The following LRP2 variants were observed in gnomAD, a reference collection of about 807,000 sequenced individuals.
LRP2 encodes low-density lipoprotein receptor-related protein 2.
Under a neutral mutation model 531.0 loss-of-function variants are expected in LRP2, and 172 were observed. The observed-to-expected ratio is 0.32, with a 90% CI of 0.29 to 0.37. The LOEUF is 0.37. LRP2 is among the 10% of genes least tolerant of loss of function. The pLI is 1.00. For missense variants in LRP2, 5,167 were observed against 5,868.3 expected (o/e 0.88, Z 3.90); for synonymous variants, 1,992 against 2,027.6 (o/e 0.98, Z 0.47).
intron 1 of LRP2, among the ~76,000 whole-genome samples, chr2:169,327,383 C>G (rs1186090270): frequency 4.7e-5 from 6 of 129,000 alleles, no homozygotes; most frequent in Admixed American, 7.3e-5. Context: ...GCCGCCCCTA[C>G]TGGGAAGTGA....
Position 169,137,616 on chromosome 2 carries a change from T to C in LRP2, c.13519-123A>G, listed in dbSNP as rs545632175. 1.7e-4 allele frequency: 109 copies of C among 631,258 alleles called. 1 individual carries two copies. The East Asian group carries it at 3.0e-3, about 17-fold the overall frequency. The allele number at this position is 631,258 out of a possible 1,614,324, so 39.1% of individuals were successfully genotyped here. ...TCCTCACACCTGGAGGTACGCTAGG[T>C]GCTACGTCATAAGTTACCCAAAAGA... On this transcript the variant is annotated intron_variant, in intron 75 of 78. Transcript: ENST00000649046.
rs1310051265 is a variant in LRP2, at chr2:169,213,846, T to C, written c.5851A>G (p.Thr1951Ala). 6.2e-7 allele frequency: 1 copy of C among 1,613,520 alleles called. No individual in the cohort carries two copies. The highest frequency in any genetic ancestry group is 8.5e-7 in the Non-Finnish European group (1 of 1,179,542). ...GVIERGNVDG[T>A]DRMILVHQLS... ...TGGTGTACCAGGATCATTCGATCTG[T>C]TCCATCCACGTTTCCTCTTTCAATC... Residue 1951 changes from threonine to alanine, a missense_variant, in exon 36 of 79, where the codon ACA becomes GCA. Thr to Ala is a moderately conservative substitution (Grantham distance 58, BLOSUM62 0). Around this residue, in one of 6 missense-constraint regions of LRP2, gnomAD observed 2,811 missense variants for 3,058.0 expected, o/e 0.92. Coordinates refer to ENST00000649046, the MANE Select transcript of LRP2 (RefSeq NM_004525.3).
chr2:169,233,435 C>A lies in LRP2; in HGVS notation c.5074G>T (p.Val1692Phe). The A allele has an allele frequency of 6.2e-7, 1 of 1,614,192 alleles. No individual in the cohort carries two copies. Among genetic ancestry groups the A allele is most frequent in the Non-Finnish European group, 8.5e-7 (1 of 1,180,038 alleles). Reference protein sequence around the residue: ...NIQWPLGIVAVHPSKQPNSVN... With the variant: ...NIQWPLGIVAFHPSKQPNSVN... ...CAATTTGGTTGTTTCGAAGGATGAA[C>A]CGCAACAATCCCAAGGGGCCATTGA... The change falls in exon 30 of 79, where the codon GTT becomes TTT. Residue 1692 changes from valine (V) to phenylalanine (F), a missense_variant. Transcript: ENST00000649046.
In LRP2 at chr2:169,162,439, T is replaced by G. The variant is rs371633356; in HGVS notation, c.11887+33A>C. On this transcript the variant is annotated intron_variant, in intron 63 of 78. Transcript: ENST00000649046. The stretch of plus-strand genomic sequence containing the variant: ...TTTTAATTAGGTAAACCTGAGTTAC[T>G]ACAATGAACTATAAAAACAAGTGTT... The G allele has an allele frequency of 1.3e-4, 202 of 1,612,960 alleles. No homozygotes were observed. In the African/African-American group the frequency reaches 2.4e-3, roughly 19 times the overall value.
intron 49 of LRP2, among the ~76,000 whole-genome samples, chr2:169,186,435 G>A (rs987554453): frequency 2.6e-5 from 4 of 152,286 alleles, no homozygotes; most frequent in African/African-American, 7.2e-5. Flanking sequence ...TGCCTCTCAC[G>A]AGATGGCATG....
chr2:169,232,817 G>A (rs1056119407), intron 30 of LRP2, among the ~76,000 whole-genome samples: 21 of 152,220 alleles, frequency 1.4e-4, no homozygotes, highest in African/African-American at 4.8e-4. Context: ...AGTGGGAGAA[G>A]AGAGCAGGGA....
chr2:169,244,688 C>T lies in LRP2; in HGVS notation c.3430+5G>A. On this transcript the variant is annotated splice_donor_5th_base_variant and intron_variant, in intron 22 of 78. Coordinates refer to ENST00000649046, the MANE Select transcript of LRP2 (RefSeq NM_004525.3). The stretch of plus-strand genomic sequence containing the variant: ...CCAACCAAGGGAAACCAGCTCAAAA[C>T]TTACTGCAGTTCTTTTCATCAGATC... The T allele has an allele frequency of 6.2e-7, 1 of 1,614,240 alleles. No homozygotes were observed. Among genetic ancestry groups the T allele is most frequent in the Non-Finnish European group, 8.5e-7 (1 of 1,180,036 alleles).
At chr2:169,193,966 A>G in intron 46 of LRP2, 74 bp from the exon 47 acceptor site, 2 of 1,547,242 alleles carry the variant, frequency 1.3e-6, no homozygotes, top group Non-Finnish European at 1.8e-6. Context: ...AGCTGGTTGT[A>G]GCATGGGTTG....
At position 169,191,848 on chromosome 2, in the gene LRP2, T is replaced by C. The variant is rs767433478; in HGVS notation, c.9016A>G (p.Ile3006Val). 1.9e-6 allele frequency: 3 copies of C among 1,614,094 alleles called. No individual in the cohort carries two copies. In the South Asian group the frequency reaches 3.3e-5, roughly 18 times the overall value. ...NEFTCGYGLC[I>V]PKIFRCDRHN... ...TCAATTCACCTGAATATCTTTGGGATACACAGTCCGTAACCACAGGTGAAT... is the reference window on the plus strand; with the variant it reads ...TCAATTCACCTGAATATCTTTGGGACACACAGTCCGTAACCACAGGTGAAT... Residue 3006 changes from isoleucine to valine, a missense_variant, in exon 48 of 79, where the codon ATC becomes GTC. Physicochemically the swap from Ile to Val is conservative, Grantham distance 29. Around this residue, in one of 6 missense-constraint regions of LRP2, gnomAD observed 1,129 missense variants for 1,362.7 expected, o/e 0.83. Coordinates refer to ENST00000649046, the MANE Select transcript of LRP2 (RefSeq NM_004525.3).
rs1193382939 is a variant in LRP2 at position 169,174,034 on chromosome 2, C to T, written c.10899G>A (p.Arg3633=). ...ACCGAAACTGGCCCGGCCGGCAGGT[C>T]CTGCTGGCACAGTGGGAACTGTCTT... ...SDEDSSHCAS[R]TCRPGQFRCA... Residue 3633 remains arginine, a synonymous_variant, in exon 56 of 79, where the codon AGG becomes AGA. Coordinates refer to ENST00000649046, the MANE Select transcript of LRP2 (RefSeq NM_004525.3). The T allele has an allele frequency of 6.2e-7, 1 of 1,614,212 alleles. No homozygotes were observed.
At chr2:169,152,237 G>C (rs996429380) in intron 67 of LRP2, among the ~76,000 whole-genome samples, 2 of 152,188 alleles carry the variant, frequency 1.3e-5, no homozygotes, top group Non-Finnish European at 2.9e-5. Flanking sequence ...GAACAGAAGA[G>C]ACTGACACCT....
In LRP2 at chr2:169,270,944, C is replaced by G; in HGVS notation, c.2280G>C (p.Met760Ile). The G allele has an allele frequency of 6.2e-7, 1 of 1,612,804 alleles. No homozygotes were observed. Among genetic ancestry groups the G allele is most frequent in the South Asian group, 1.1e-5 (1 of 91,056 alleles). The change falls in exon 16 of 79, where the codon ATG (methionine) becomes ATC (isoleucine). Residue 760 changes from methionine to isoleucine, a missense_variant. By Grantham distance (10) the Met-to-Ile change is conservative. Around this residue, in one of 6 missense-constraint regions of LRP2, gnomAD observed 2,811 missense variants for 3,058.0 expected, o/e 0.92. Coordinates refer to ENST00000649046, the MANE Select transcript of LRP2 (RefSeq NM_004525.3). ...AQDSTIFFSD[M>I]SKHMIFKQKI... is the part of the protein sequence containing the mutation. ...TTTGCTTAAAAATCATGTGTTTTGACATATCTGAAAAAAAGATAGTGCTGT... is the reference window on the plus strand; with the variant it reads ...TTTGCTTAAAAATCATGTGTTTTGAGATATCTGAAAAAAAGATAGTGCTGT...
chr2:169,306,919 G>C (rs936764277), intron 4 of LRP2, among the ~76,000 whole-genome samples: 1 of 152,150 alleles, frequency 6.6e-6, no homozygotes, highest in Non-Finnish European at 1.5e-5. Flanking sequence ...AAACTAGTGA[G>C]AAATTTGACC....
Position 169,241,063 on chromosome 2 carries a change from T to C in LRP2, c.3970A>G (p.Ile1324Val), listed in dbSNP as rs746118298. 14 of 1,614,154 alleles carry C rather than the reference T, an allele frequency of 8.7e-6. No individual in the cohort carries two copies. The highest frequency in any genetic ancestry group is 1.2e-5 in the Non-Finnish European group (14 of 1,180,022). Residue 1324 changes from isoleucine (I) to valine (V), a missense_variant, in exon 25 of 79, where the codon ATC becomes GTC. Physicochemically the swap from Ile to Val is conservative, Grantham distance 29. Transcript: ENST00000649046. Reference sequence around the variant, plus strand: ...CACACTACACTCAGATTCACACAGATGTTATGGCCAAGACACTGCCATTGC... The same window carrying C: ...CACACTACACTCAGATTCACACAGACGTTATGGCCAAGACACTGCCATTGC... ...SWQWQCLGHN[I>V]CVNLSVVCDG...
Position 169,212,146 on chromosome 2 carries a change from C to T in LRP2, c.6102G>A (p.Leu2034=). The T allele has an allele frequency of 6.2e-7, 1 of 1,614,040 alleles. No homozygotes were observed. The highest frequency in any genetic ancestry group is 8.5e-7 in the Non-Finnish European group (1 of 1,179,930). ...AGGAAAACAATCCTCCTGGTACAGG[C>T]AGGCAAATCTGCTGACAGGCATTCA... ...NNMNACQQIC[L]PVPGGLFSCA... The change falls in exon 37 of 79, where the codon CTG becomes CTA. Residue 2034 remains leucine (L), a synonymous_variant. Transcript: ENST00000649046.
chr2:169,148,452 T>C (rs1686001232), intron 68 of LRP2, among the ~76,000 whole-genome samples: 1 of 152,174 alleles, frequency 6.6e-6, no homozygotes, highest in African/African-American at 2.4e-5. Flanking sequence ...TATCATACCA[T>C]ACATACCATA....
At position 169,139,249 on chromosome 2, in the gene LRP2, A is replaced by G. The variant is rs2105337522; in HGVS notation, c.13388+2T>C. 6.2e-7 allele frequency: 1 copy of G among 1,614,130 alleles called. No individual in the cohort carries two copies. The highest frequency in any genetic ancestry group is 1.7e-5 in the Admixed American group (1 of 60,010). ...ATCAACGTTCCCCATAATGAAACTG[A>G]CCTTGGCAGCTTGGGCAGAGCAGGC... On this transcript the variant is annotated splice_donor_variant, in intron 74 of 78. Transcript: ENST00000649046. LOFTEE classifies it high-confidence loss of function.
rs113282361 is a variant in LRP2 at position 169,275,189 on chromosome 2, T to A, written c.1822A>T (p.Ser608Cys). 6.2e-7 allele frequency: 1 copy of A among 1,613,798 alleles called. No individual in the cohort carries two copies. ...GSLIPHPFGVSLFEGQVFFTD... is the reference protein window; with the variant it reads ...GSLIPHPFGVCLFEGQVFFTD... ...AAGAACACCTGACCTTCAAATAAGC[T>A]TACTCCAAAGGGATGAGGAATGAGG... Residue 608 changes from serine (S) to cysteine (C), a missense_variant, in exon 14 of 79, where the codon AGC becomes TGC. Physicochemically the swap from Ser to Cys is moderately radical, Grantham distance 112. Transcript: ENST00000649046.
At chr2:169,177,694 T>A in intron 53 of LRP2, 109 bp downstream of exon 53, 1 of 936,152 alleles carries the variant, frequency 1.1e-6, no homozygotes, top group Non-Finnish European at 1.8e-6. Flanking sequence ...AAGAAAACAC[T>A]AACAAGTGCA....
Sources: allele counts gnomAD v4.1 joint callset (sites outside exome capture counted in the v4.1 genomes callset), GRCh38; gene constraint gnomAD v4.1.1; regional missense constraint gnomAD v4.1.1; transcripts MANE v1.5; gene names NCBI Gene and HGNC (gene_info 2026-07-23, HGNC 2026-07-21).